The following MYO1B variants were observed in gnomAD, a reference collection of about 807,000 sequenced individuals.
MYO1B encodes the protein unconventional myosin-Ib.
Under a neutral mutation model 159.7 loss-of-function variants are expected in MYO1B, and 72 were observed. The observed-to-expected ratio is 0.45, with a 90% CI of 0.37 to 0.55. The LOEUF (loss-of-function observed/expected upper bound fraction) is 0.55, where lower values mean the gene tolerates loss of function less well. Among genes scored for constraint, MYO1B ranks in the 20% least tolerant of loss-of-function variants. The pLI is 0.00. For synonymous variants in MYO1B, 468 were observed against 473.8 expected, an observed-to-expected ratio of 0.99 and a Z score of 0.16; for missense variants, 1,062 against 1,364.8, an observed-to-expected ratio of 0.78 and a Z score of 3.50.
intron 3 of MYO1B, among the ~76,000 whole-genome samples, chr2:191,317,790 C>T (rs1458657549): frequency 6.6e-6 from 1 of 152,180 alleles, no homozygotes; most frequent in African/African-American, 2.4e-5. Context: ...CCTCACTCCT[C>T]TTTAACTTAA....
chr2:191,350,014 T>G (rs930646776), intron 6 of MYO1B, 148 bp from the exon 7 acceptor site: 1 of 611,240 alleles, frequency 1.6e-6, no homozygotes, highest in Non-Finnish European at 2.9e-6. Flanking sequence ...GCATGTTGTT[T>G]TGCATCGTGG....
In MYO1B at chr2:191,284,487, ACTTAT is replaced by A. The variant is rs151247855; in HGVS notation, c.135+7461_135+7465del. Among the ~76,000 whole-genome samples the A allele has an allele frequency of 9.2e-5, 14 of 152,278 alleles. No individual in the cohort carries two copies. In the East Asian group the frequency reaches 2.7e-3, roughly 29 times the overall value. On this transcript the variant is annotated intron_variant, in intron 2 of 30. Transcript: ENST00000392318. ...TCACCCATAAAATGGTCATCGTGGT[ACTTAT>A]CTTGTTGAGTTGTGGTGGGGATTAA...
intron 3 of MYO1B, among the ~76,000 whole-genome samples, chr2:191,310,957 A>C (rs1455695928): frequency 6.6e-6 from 1 of 152,224 alleles, no homozygotes; most frequent in East Asian, 1.9e-4. Flanking sequence ...CAGAATTTCT[A>C]GTTGCTATTG....
chr2:191,402,452 AT>A, intron 23 of MYO1B, 179 bp from the exon 24 acceptor site: 1 of 603,618 alleles, frequency 1.7e-6, no homozygotes, highest in South Asian at 2.0e-5. Flanking sequence ...CACTGAAAAT[AT>A]AAGCGCTGCA....
chr2:191,349,453 A>G (rs1692775889), intron 6 of MYO1B, among the ~76,000 whole-genome samples: 1 of 152,232 alleles, frequency 6.6e-6, no homozygotes. Flanking sequence ...ACTTTTCCAA[A>G]CAAGAAACAG....
intron 3 of MYO1B, among the ~76,000 whole-genome samples, chr2:191,302,497 T>C (rs1273712085): frequency 6.6e-6 from 1 of 152,248 alleles, no homozygotes. Flanking sequence ...TTTTTTTCAT[T>C]TTTTAAAAAA....
At chr2:191,364,666 A>T (rs1417671364) in intron 11 of MYO1B, among the ~76,000 whole-genome samples, 2 of 152,210 alleles carry the variant, frequency 1.3e-5, no homozygotes, top group Admixed American at 6.5e-5. Context: ...TCAAAGGGTC[A>T]CTCTGGCTGT....
chr2:191,396,511 A>C lies in MYO1B; in HGVS notation c.2295+14A>C, dbSNP rs769509467. On this transcript the variant is annotated intron_variant, in intron 21 of 30. Transcript: ENST00000392318. The stretch of plus-strand genomic sequence containing the variant: ...CGGGGTTGGAAGGTGAGTTTAAAAG[A>C]AGTATGCTTTATTTATTTTGGGTTT... 6.2e-7 allele frequency: 1 copy of C among 1,613,454 alleles called. No homozygotes were observed. The highest frequency in any genetic ancestry group is 2.2e-5 in the East Asian group (1 of 44,862).
chr2:191,285,804 A>G (rs1455355531), intron 2 of MYO1B, among the ~76,000 whole-genome samples: 1 of 152,084 alleles, frequency 6.6e-6, no homozygotes. Context: ...TGGAGAGGAA[A>G]TCTTCACAAA....
chr2:191,378,982 A>G (rs1188059744), intron 13 of MYO1B, among the ~76,000 whole-genome samples: 1 of 152,302 alleles, frequency 6.6e-6, no homozygotes, highest in African/African-American at 2.4e-5. Context: ...GCTTCAGGCA[A>G]GTTATATGAT....
intron 3 of MYO1B, among the ~76,000 whole-genome samples, chr2:191,329,357 A>G (rs1033187004): frequency 1.3e-5 from 2 of 152,054 alleles, no homozygotes; most frequent in Non-Finnish European, 2.9e-5. Flanking sequence ...GTAGTTCTGT[A>G]TTTAAGTTAT....
intron 1 of MYO1B, among the ~76,000 whole-genome samples, chr2:191,250,774 A>G (rs1574259034): frequency 6.6e-6 from 1 of 152,176 alleles, no homozygotes; most frequent in South Asian, 2.1e-4. Flanking sequence ...TCAAGCCTCA[A>G]AGACCCCTTT....
intron 13 of MYO1B, chr2:191,379,135 A>C (rs1375177305): frequency 6.5e-6 from 1 of 152,690 alleles, no homozygotes; most frequent in Non-Finnish European, 1.5e-5. Flanking sequence ...TACACTGATC[A>C]AAAATACAGC....
intron 11 of MYO1B, among the ~76,000 whole-genome samples, chr2:191,365,190 T>C (rs532164636): frequency 6.6e-6 from 1 of 152,216 alleles, no homozygotes; most frequent in African/African-American, 2.4e-5. Flanking sequence ...GGCTTACGCA[T>C]TTTACCACCA....
chr2:191,393,897 AT>A (rs1220580891), intron 20 of MYO1B, among the ~76,000 whole-genome samples: 9 of 152,204 alleles, frequency 5.9e-5, no homozygotes, highest in Non-Finnish European at 1.2e-4. Context: ...CTCAGGGTTA[AT>A]TGAAACTTGG....
intron 3 of MYO1B, among the ~76,000 whole-genome samples, chr2:191,318,673 A>G (rs1053002581): frequency 3.9e-5 from 6 of 152,288 alleles, no homozygotes; most frequent in African/African-American, 1.2e-4. Context: ...GCTTCTCTCA[A>G]AAAATATATA....
chr2:191,338,841 T>C (rs1339261889), intron 4 of MYO1B, among the ~76,000 whole-genome samples: 2 of 152,210 alleles, frequency 1.3e-5, no homozygotes, highest in Admixed American at 6.5e-5. Context: ...AAAAGAAAAC[T>C]TACCTTTTCA....
chr2:191,260,584 A>G (rs1686752193), intron 1 of MYO1B, among the ~76,000 whole-genome samples: 1 of 152,210 alleles, frequency 6.6e-6, no homozygotes, highest in Non-Finnish European at 1.5e-5. Context: ...TTTACCATTT[A>G]GCTACTTACA....
In MYO1B at chr2:191,338,550, A is replaced by G. The variant is rs551195559; in HGVS notation, c.347-2911A>G. Among the ~76,000 whole-genome samples the G allele has an allele frequency of 9.9e-5, 15 of 152,260 alleles. No individual in the cohort carries two copies. The South Asian group carries it at 3.1e-3, about 32-fold the overall frequency. ...ACACATTTGACCCTGAGAGAACTTGATCCCATCTTGTTCTGGCCATTAAAA... is the reference window on the plus strand; with the variant it reads ...ACACATTTGACCCTGAGAGAACTTGGTCCCATCTTGTTCTGGCCATTAAAA... On this transcript the variant is annotated intron_variant, in intron 4 of 30. Coordinates refer to ENST00000392318, the MANE Select transcript of MYO1B (RefSeq NM_001130158.3).
Sources: allele counts gnomAD v4.1 joint callset (sites outside exome capture counted in the v4.1 genomes callset), GRCh38; gene constraint gnomAD v4.1.1; transcripts MANE v1.5; gene names NCBI Gene and HGNC (gene_info 2026-07-23, HGNC 2026-07-21).